The following IL1RAPL1 variants were observed in gnomAD, a reference collection of about 807,000 sequenced individuals.
The protein encoded by IL1RAPL1 is interleukin-1 receptor accessory protein-like 1.
Under a neutral mutation model 48.4 loss-of-function variants are expected in IL1RAPL1, and 3 were observed. The ratio of observed to expected loss-of-function variants is 0.06; its 90% CI spans 0.03 to 0.16. The LOEUF (loss-of-function observed/expected upper bound fraction) is 0.16, where lower values mean the gene tolerates loss of function less well. IL1RAPL1 is among the 10% of genes least tolerant of loss of function. The pLI, the probability that IL1RAPL1 is intolerant of heterozygous loss-of-function variation, is 1.00. For missense variants in IL1RAPL1, 349 were observed against 530.6 expected, an observed-to-expected ratio of 0.66 and a Z score of 3.36; for synonymous variants, 185 against 187.7, an observed-to-expected ratio of 0.99 and a Z score of 0.12.
intron 6 of IL1RAPL1, among the ~76,000 whole-genome samples, chrX:29,903,196 G>GAGAGAGAGACAGAGACAGAGAC (rs1932532481): frequency 6.4e-5 from 7 of 108,616 alleles, no homozygotes; most frequent in Admixed American, 1.0e-4. Context: ...GAGAGAGAGA[G>GAGAGAGAGACAGAGACAGAGAC]AGAGAGAGAC....
At chrX:28,968,176 T>A (rs1176293881) in intron 2 of IL1RAPL1, among the ~76,000 whole-genome samples, 1 of 111,903 alleles carries the variant, frequency 8.9e-6, no homozygotes, top group East Asian at 2.8e-4. Flanking sequence ...GACTTCTTTT[T>A]GATCTCTAAG....
At chrX:29,803,413 G>GTGTATACATGTATACACATA (rs1930147456) in intron 6 of IL1RAPL1, among the ~76,000 whole-genome samples, 1 of 89,369 alleles carries the variant, frequency 1.1e-5, no homozygotes, top group Admixed American at 1.2e-4. Context: ...ATGTGTATAT[G>GTGTATACATGTATACACATA]TGTATATGTG....
At chrX:29,335,444 G>T (rs1932980409) in intron 3 of IL1RAPL1, among the ~76,000 whole-genome samples, 1 of 108,290 alleles carries the variant, frequency 9.2e-6, no homozygotes, top group Non-Finnish European at 1.9e-5. Flanking sequence ...GTTAAACCTG[G>T]CTTATAGCAG....
chrX:29,048,455 A>G (rs1197409274), intron 2 of IL1RAPL1, among the ~76,000 whole-genome samples: 1 of 112,032 alleles, frequency 8.9e-6, no homozygotes, highest in African/African-American at 3.2e-5. Flanking sequence ...GGAGTCTTTC[A>G]CAGGCTTTTA....
rs1018287228 is a variant in IL1RAPL1, at chrX:29,280,555, A to G, written c.83-2383A>G. Among the ~76,000 whole-genome samples the G allele has an allele frequency of 2.7e-5, 3 of 112,169 alleles. No homozygotes were observed. In the Admixed American group the frequency reaches 2.8e-4, roughly 11 times the overall value. On this transcript the variant is annotated intron_variant, in intron 2 of 10. Transcript: ENST00000378993. ...TGGCATGGAGTTTCTTCAACTGTAT[A>G]ATTTGGTAATTCAGTTGTTTATTTT...
intron 5 of IL1RAPL1, among the ~76,000 whole-genome samples, chrX:29,489,800 A>C (rs1415625203): frequency 8.9e-6 from 1 of 111,915 alleles, no homozygotes; most frequent in Non-Finnish European, 1.9e-5. Context: ...GTATAGGCTT[A>C]ATACTATGCA....
chrX:28,724,497 G>A (rs1466897892), intron 1 of IL1RAPL1, among the ~76,000 whole-genome samples: 2 of 110,662 alleles, frequency 1.8e-5, no homozygotes, highest in Admixed American at 9.7e-5. Flanking sequence ...GTCTCTGCAC[G>A]TGAGATGGGT....
chrX:29,871,109 T>C (rs1931790941), intron 6 of IL1RAPL1, among the ~76,000 whole-genome samples: 1 of 111,928 alleles, frequency 8.9e-6, no homozygotes, highest in Non-Finnish European at 1.9e-5. Flanking sequence ...TGTGGCCCCC[T>C]TTTTCCATCT....
intron 2 of IL1RAPL1, among the ~76,000 whole-genome samples, chrX:28,836,734 G>A (rs998984259): frequency 9.1e-6 from 1 of 110,050 alleles, no homozygotes; most frequent in Non-Finnish European, 1.9e-5. Flanking sequence ...AAAACTTGCT[G>A]TGGTCATCAT....
intron 2 of IL1RAPL1, among the ~76,000 whole-genome samples, chrX:29,216,957 C>T (rs1219541647): frequency 9.0e-6 from 1 of 111,682 alleles, no homozygotes; most frequent in African/African-American, 3.3e-5. Flanking sequence ...GCCAAGGTCT[C>T]ACCATGTAGT....
chrX:29,673,395 G>A (rs776160515), intron 6 of IL1RAPL1, among the ~76,000 whole-genome samples: 1 of 111,607 alleles, frequency 9.0e-6, no homozygotes, highest in Non-Finnish European at 1.9e-5. Context: ...AGGAAAGTCA[G>A]TATCGGCCAG....
intron 5 of IL1RAPL1, among the ~76,000 whole-genome samples, chrX:29,591,298 C>T (rs761104291): frequency 8.0e-5 from 9 of 112,418 alleles, no homozygotes; most frequent in African/African-American, 2.9e-4. Flanking sequence ...ATTGTGACAA[C>T]GAGGTGCCTG....
At chrX:28,899,714 A>G (rs1923025698) in intron 2 of IL1RAPL1, among the ~76,000 whole-genome samples, 1 of 111,450 alleles carries the variant, frequency 9.0e-6, no homozygotes, top group Non-Finnish European at 1.9e-5. Flanking sequence ...CCAATTGGCT[A>G]CCTTAGACCT....
intron 6 of IL1RAPL1, among the ~76,000 whole-genome samples, chrX:29,764,964 T>G (rs765030039): frequency 8.9e-6 from 1 of 112,430 alleles, no homozygotes; most frequent in African/African-American, 3.2e-5. Flanking sequence ...AGCTCATGGC[T>G]GATATCAACT....
intron 2 of IL1RAPL1, among the ~76,000 whole-genome samples, chrX:28,817,041 G>A (rs768383308): frequency 5.4e-5 from 6 of 110,127 alleles, no homozygotes; most frequent in Non-Finnish European, 9.5e-5. Context: ...ATGAATCCCA[G>A]TGTAAATTAT....
intron 2 of IL1RAPL1, among the ~76,000 whole-genome samples, chrX:28,923,762 C>T (rs755719943): frequency 2.7e-5 from 3 of 110,540 alleles, no homozygotes; most frequent in Non-Finnish European, 3.8e-5. Flanking sequence ...TAATAAGATG[C>T]GAGGAAAAAG....
chrX:28,662,309 G>A (rs1238125192), intron 1 of IL1RAPL1, among the ~76,000 whole-genome samples: 1 of 111,558 alleles, frequency 9.0e-6, no homozygotes, highest in African/African-American at 3.3e-5. Flanking sequence ...CTGACTTGAG[G>A]AGGTTTTTGT....
intron 1 of IL1RAPL1, among the ~76,000 whole-genome samples, chrX:28,738,815 T>C (rs1935875245): frequency 9.0e-6 from 1 of 111,641 alleles, no homozygotes; most frequent in Non-Finnish European, 1.9e-5. Context: ...AGATGACATC[T>C]GTTTGCTACT....
intron 1 of IL1RAPL1, among the ~76,000 whole-genome samples, chrX:28,785,825 A>G (rs1936467374): frequency 8.9e-6 from 1 of 112,114 alleles, no homozygotes; most frequent in South Asian, 3.6e-4. Flanking sequence ...AGCCTTTTTG[A>G]TTAGACTCCA....
Sources: gnomAD v4.1 joint callset for allele counts (sites outside exome capture counted in the v4.1 genomes callset) on GRCh38, gnomAD v4.1.1 for gene constraint, MANE v1.5 for transcripts, NCBI Gene and HGNC (gene_info 2026-07-23, HGNC 2026-07-21) for gene names.